The following SMIM5 variants were observed in gnomAD, a reference collection of about 807,000 sequenced individuals.
The protein encoded by SMIM5 is chromosome 17 open reading frame 109.
In SMIM5, 4 loss-of-function variants were observed where a neutral mutation model predicts 4.0. The ratio of observed to expected loss-of-function variants is 1.01; its 90% confidence interval spans 0.50 to 2.30. The LOEUF (loss-of-function observed/expected upper bound fraction) is 2.30. SMIM5 is among the 30% of genes most tolerant of loss of function. The probability of loss-of-function intolerance (pLI) is 0.02; values close to 1 mark genes in which losing one functional copy is unlikely to be tolerated. For missense variants in SMIM5, 107 were observed against 99.2 expected, an observed-to-expected ratio of 1.08 and a Z score of -0.34; for synonymous variants, 46 against 43.6, an observed-to-expected ratio of 1.05 and a Z score of -0.22.
Position 75,633,651 on chromosome 17 carries a change from G to A in SMIM5, c.-588G>A, listed in dbSNP as rs746992195. On this transcript the variant is annotated 5_prime_UTR_variant, in exon 1 of 3. Transcript: ENST00000375215. Reference sequence around the variant, plus strand: ...CTGTTTACTGTTGTTCCTGAGAGAGGCCAGAGGGAGGGACCAGCCAGGGAG... The same window carrying A: ...CTGTTTACTGTTGTTCCTGAGAGAGACCAGAGGGAGGGACCAGCCAGGGAG... The A allele has an allele frequency of 1.5e-5, 18 of 1,174,790 alleles. No individual in the cohort carries two copies. Among genetic ancestry groups the A allele is most frequent in the Non-Finnish European group, 1.8e-5 (17 of 933,876 alleles). The allele number at this position is 1,174,790 out of a possible 1,614,324, so 72.8% of individuals were successfully genotyped here.
intron 1 of SMIM5, chr17:75,635,950 C>A (rs820200): frequency 0.34 from 250,096 of 736,904 alleles, 43,093 homozygotes; most frequent in East Asian, 0.49. Flanking sequence ...CTGCCTGTTG[C>A]AAGGCTCCGT....
At chr17:75,639,553 C>G (rs1329483153) in intron 1 of SMIM5, 1 of 152,400 alleles carries the variant, frequency 6.6e-6, no homozygotes, top group Non-Finnish European at 1.5e-5. Context: ...CCTCCTGACC[C>G]CCTCCCAACA....
At position 75,640,885 on chromosome 17, in the gene SMIM5, G is replaced by A. The variant is rs919041248; in HGVS notation, c.222G>A (p.Pro74=). ...ERRGRKVQVQ[P]TPP Reference sequence around the variant, plus strand: ...GAGGCAGGAAGGTCCAGGTGCAGCCGACACCACCATGACGGACGGGCGATG... The same window carrying A: ...GAGGCAGGAAGGTCCAGGTGCAGCCAACACCACCATGACGGACGGGCGATG... Residue 74 remains proline (P), a synonymous_variant, in exon 3 of 3, where the codon CCG becomes CCA. Coordinates refer to ENST00000375215, the MANE Select transcript of SMIM5 (RefSeq NM_001162995.3). The surrounding 1 kb of genome is among the most constrained non-coding windows in gnomAD (Gnocchi z 4.6). 19 of 1,545,466 alleles carry A rather than the reference G, an allele frequency of 1.2e-5. No individual in the cohort carries two copies. The East Asian group carries it at 3.4e-4, about 28-fold the overall frequency.
intron 1 of SMIM5, chr17:75,638,223 C>CCTGT (rs1599010822): frequency 6.6e-6 from 1 of 152,164 alleles, no homozygotes; most frequent in Non-Finnish European, 1.5e-5. Flanking sequence ...GTGGCTCACA[C>CCTGT]CTGTAATCCC....
Position 75,640,352 on chromosome 17 carries a change from C to T in SMIM5, c.127+24C>T, listed in dbSNP as rs1405642482. 3 of 1,521,306 alleles carry T rather than the reference C, an allele frequency of 2.0e-6. No homozygotes were observed. The highest frequency in any genetic ancestry group is 2.7e-6 in the Non-Finnish European group (3 of 1,129,628). 94.2% of individuals were successfully genotyped at this position (1,521,306 alleles called of 1,614,324 possible). On this transcript the variant is annotated intron_variant, in intron 2 of 2. Coordinates refer to ENST00000375215, the MANE Select transcript of SMIM5 (RefSeq NM_001162995.3). This position sits in a 1 kb window ranked among gnomAD's most constrained non-coding sequence, Gnocchi z 4.6. ...AGGTTAGTTGGGGCACTCAGCACCC[C>T]ATGGCTCTCCCTGGCATCTGGGAGA...
chr17:75,641,006 C>G lies in SMIM5; in HGVS notation c.*109C>G. On this transcript the variant is annotated 3_prime_UTR_variant, in exon 3 of 3. Coordinates refer to ENST00000375215, the MANE Select transcript of SMIM5 (RefSeq NM_001162995.3). The stretch of plus-strand genomic sequence containing the variant: ...ACCCCTCAAGACCAGGCTCCCCTGG[C>G]CCCAGCTCTGGCCCAGCCCAGGTAC... 6.8e-7 allele frequency: 1 copy of G among 1,477,854 alleles called. No homozygotes were observed. 91.5% of individuals were successfully genotyped at this position (1,477,854 alleles called of 1,614,324 possible).
In SMIM5 at chr17:75,640,604, TGGA is replaced by T. The variant is rs1206908680; in HGVS notation, c.128-181_128-179del. Among the ~76,000 whole-genome samples the T allele has an allele frequency of 1.3e-5, 2 of 151,974 alleles. No individual in the cohort carries two copies. The highest frequency in any genetic ancestry group is 6.6e-5 in the Admixed American group (1 of 15,256). On this transcript the variant is annotated intron_variant, in intron 2 of 2. Coordinates refer to ENST00000375215, the MANE Select transcript of SMIM5 (RefSeq NM_001162995.3). This position sits in a 1 kb window ranked among gnomAD's most constrained non-coding sequence, Gnocchi z 4.6. ...GGGCAGTGAAAGAGAAGACACAACA[TGGA>T]GGAGGTTGGCCCTGGCGGCTGGCAT...
Position 75,634,174 on chromosome 17 carries a change from T to C in SMIM5, c.-65T>C. The C allele has an allele frequency of 1.0e-6, 1 of 985,452 alleles. No individual in the cohort carries two copies. The highest frequency in any genetic ancestry group is 1.2e-6 in the Non-Finnish European group (1 of 829,962). 61.0% of individuals were successfully genotyped at this position (985,452 alleles called of 1,614,324 possible). ...TGGAGGCTCCGCGCTGGGGCACTGC[T>C]GCTCAGCCCCCAACACCTGAGCTCC... On this transcript the variant is annotated 5_prime_UTR_variant, in exon 1 of 3. Coordinates refer to ENST00000375215, the MANE Select transcript of SMIM5 (RefSeq NM_001162995.3).
rs972926372 is a variant in SMIM5 at position 75,640,115 on chromosome 17, C to A, written c.-36-51C>A. On this transcript the variant is annotated intron_variant, in intron 1 of 2. Transcript: ENST00000375215. This position sits in a 1 kb window ranked among gnomAD's most constrained non-coding sequence, Gnocchi z 4.6. ...CGAGGGTGGAATCTCGGTGCTGCGA[C>A]GAGTGTGGGGCCAGCCGTGGAGGCT... 1.4e-6 allele frequency: 2 copies of A among 1,439,058 alleles called. No homozygotes were observed. The highest frequency in any genetic ancestry group is 1.8e-6 in the Non-Finnish European group (2 of 1,098,190). 89.1% of individuals were successfully genotyped at this position (1,439,058 alleles called of 1,614,324 possible). A position where few individuals can be genotyped will look rare whatever the true frequency, so the allele number is the denominator to read the frequency against.
chr17:75,633,705 C>T lies in SMIM5; in HGVS notation c.-534C>T. 1.8e-6 allele frequency: 2 copies of T among 1,130,510 alleles called. No individual in the cohort carries two copies. The highest frequency in any genetic ancestry group is 2.2e-6 in the Non-Finnish European group (2 of 910,538). 70.0% of individuals were successfully genotyped at this position (1,130,510 alleles called of 1,614,324 possible). A position where few individuals can be genotyped will look rare whatever the true frequency, so the allele number is the denominator to read the frequency against. ...CCAGAGGGACAGAAGGGGTGGCCTTCCTGAGGGCAGGGTGGGTGCCCCAGA... is the reference window on the plus strand; with the variant it reads ...CCAGAGGGACAGAAGGGGTGGCCTTTCTGAGGGCAGGGTGGGTGCCCCAGA... On this transcript the variant is annotated 5_prime_UTR_variant, in exon 1 of 3. Coordinates refer to ENST00000375215, the MANE Select transcript of SMIM5 (RefSeq NM_001162995.3).
At position 75,640,376 on chromosome 17, in the gene SMIM5, G is replaced by A. The variant is rs2059413354; in HGVS notation, c.127+48G>A. ...CCATGGCTCTCCCTGGCATCTGGGA[G>A]AGACCACACCATGGTGCCAGCCAGA... On this transcript the variant is annotated intron_variant, in intron 2 of 2. Transcript: ENST00000375215. This position sits in a 1 kb window ranked among gnomAD's most constrained non-coding sequence, Gnocchi z 4.6. 4 of 1,494,388 alleles carry A rather than the reference G, an allele frequency of 2.7e-6. No homozygotes were observed. Among genetic ancestry groups the A allele is most frequent in the Non-Finnish European group, 3.6e-6 (4 of 1,116,186 alleles). 92.6% of individuals were successfully genotyped at this position (1,494,388 alleles called of 1,614,324 possible).
At chr17:75,637,503 G>C (rs2059347596) in intron 1 of SMIM5, 1 of 152,286 alleles carries the variant, frequency 6.6e-6, no homozygotes, top group Non-Finnish European at 1.5e-5. Flanking sequence ...GGAACCAAGA[G>C]GGGACCACTG....
rs781303706 is a variant in SMIM5, at chr17:75,640,170, CG to C, written c.-30del. 10 of 1,527,162 alleles carry C rather than the reference CG, an allele frequency of 6.5e-6. No homozygotes were observed. Among genetic ancestry groups the C allele is most frequent in the East Asian group, 4.9e-5 (2 of 40,744 alleles). 94.6% of individuals were successfully genotyped at this position (1,527,162 alleles called of 1,614,324 possible). ...GTGTTCTCTCTGCCCCAGCAGAGCC[CG>C]GCAGGAGCCCCAACAGGAAGCCAGC... On this transcript the variant is annotated 5_prime_UTR_variant, in exon 2 of 3. Transcript: ENST00000375215. This position sits in a 1 kb window ranked among gnomAD's most constrained non-coding sequence, Gnocchi z 4.6.
chr17:75,634,961 C>T (rs2059291118), intron 1 of SMIM5, among the ~76,000 whole-genome samples: 1 of 152,134 alleles, frequency 6.6e-6, no homozygotes, highest in African/African-American at 2.4e-5. Flanking sequence ...GAAGCAGGAC[C>T]CGGCTGTTTG....
At position 75,640,312 on chromosome 17, in the gene SMIM5, C is replaced by T; in HGVS notation, c.111C>T (p.Val37=). ...CCGTGGAGATCGTGGCCTTCTCAGTCATCATCCTTTTCACAGGTTAGTTGG... is the reference window on the plus strand; with the variant it reads ...CCGTGGAGATCGTGGCCTTCTCAGTTATCATCCTTTTCACAGGTTAGTTGG... ...AEPVEIVAFS[V]IILFTATVLL... The change falls in exon 2 of 3, where the codon GTC becomes GTT. Residue 37 remains valine, a synonymous_variant. Transcript: ENST00000375215. This position sits in a 1 kb window ranked among gnomAD's most constrained non-coding sequence, Gnocchi z 4.6. The T allele has an allele frequency of 6.5e-7, 1 of 1,549,548 alleles. No homozygotes were observed.
chr17:75,633,811 C>A lies in SMIM5; in HGVS notation c.-428C>A, dbSNP rs547839732. On this transcript the variant is annotated 5_prime_UTR_variant, in exon 1 of 3. Coordinates refer to ENST00000375215, the MANE Select transcript of SMIM5 (RefSeq NM_001162995.3). ...CCTCCTGGCCAGGAAGGCAGAGAGC[C>A]GACTTCTTTCTTCAGCTCCCAACCC... is the stretch of plus-strand genomic sequence containing the variant. 5.0e-6 allele frequency: 5 copies of A among 1,005,760 alleles called. No individual in the cohort carries two copies. The African/African-American group carries it at 8.7e-5, about 17-fold the overall frequency. 62.3% of individuals were successfully genotyped at this position (1,005,760 alleles called of 1,614,324 possible).
Position 75,640,237 on chromosome 17 carries a change from C to T in SMIM5, c.36C>T (p.Ala12=), listed in dbSNP as rs999857965. Residue 12 remains alanine (A), a synonymous_variant, in exon 2 of 3, where the codon GCC becomes GCT. Transcript: ENST00000375215. The surrounding 1 kb of genome is among the most constrained non-coding windows in gnomAD (Gnocchi z 4.6). The part of the protein sequence containing the change: ...AATDFVQEMR[A]VGERLLLKLQ... ...CCGACTTCGTGCAGGAGATGCGCGC[C>T]GTGGGCGAGAGGCTGCTGCTCAAGC... 6.4e-6 allele frequency: 10 copies of T among 1,551,150 alleles called. No individual in the cohort carries two copies. In the African/African-American group the frequency reaches 8.2e-5, roughly 13 times the overall value.
At position 75,640,151 on chromosome 17, in the gene SMIM5, T is replaced by C. The variant is rs1211468507; in HGVS notation, c.-36-15T>C. 2.0e-5 allele frequency: 30 copies of C among 1,501,540 alleles called. No individual in the cohort carries two copies. The highest frequency in any genetic ancestry group is 6.5e-5 in the Admixed American group (3 of 45,898). The allele number at this position is 1,501,540 out of a possible 1,614,324, so 93.0% of individuals were successfully genotyped here. ...CCAGCCGTGGAGGCTCCAGGTGTTC[T>C]CTCTGCCCCAGCAGAGCCCGGCAGG... On this transcript the variant is annotated splice_polypyrimidine_tract_variant and intron_variant, in intron 1 of 2. Coordinates refer to ENST00000375215, the MANE Select transcript of SMIM5 (RefSeq NM_001162995.3). This position sits in a 1 kb window ranked among gnomAD's most constrained non-coding sequence, Gnocchi z 4.6.
intron 1 of SMIM5, chr17:75,635,963 G>T: frequency 2.0e-6 from 1 of 512,292 alleles, no homozygotes. Flanking sequence ...GGCTCCGTGT[G>T]CCAGGAGATG....
Sources: allele counts gnomAD v4.1 joint callset (sites outside exome capture counted in the v4.1 genomes callset), GRCh38; gene constraint gnomAD v4.1.1; non-coding constraint Gnocchi (gnomAD v3.1); transcripts MANE v1.5; gene names NCBI Gene and HGNC (gene_info 2026-07-23, HGNC 2026-07-21).